Variants in FFAR4 observed in about 807,000 individuals in gnomAD.
The protein encoded by FFAR4 is G-protein coupled receptor 120.
FFAR4 carries 19 observed loss-of-function variants against 27.0 expected under a neutral mutation model. The ratio of observed to expected loss-of-function variants is 0.70; its 90% CI spans 0.49 to 1.03. The LOEUF (loss-of-function observed/expected upper bound fraction) is 1.03. Ranked by LOEUF, FFAR4 falls within the 50% of genes least tolerant of loss-of-function variation. The pLI is 0.00. For synonymous variants in FFAR4, 254 were observed against 215.6 expected, an observed-to-expected ratio of 1.18 and a Z score of -1.56; for missense variants, 476 against 479.0, an observed-to-expected ratio of 0.99 and a Z score of 0.06.
intron 2 of FFAR4, among the ~76,000 whole-genome samples, chr10:93,584,759 T>C (rs2058217721): frequency 6.6e-6 from 1 of 151,890 alleles, no homozygotes; most frequent in South Asian, 2.1e-4. Context: ...CAGGCTAGAG[T>C]GCAGTGGCGC....
chr10:93,585,343 T>C (rs1403623542), intron 2 of FFAR4, among the ~76,000 whole-genome samples: 3 of 152,216 alleles, frequency 2.0e-5, no homozygotes, highest in Non-Finnish European at 2.9e-5. Flanking sequence ...AGGAGGCTTA[T>C]TCCCCCAGTT....
At chr10:93,570,930 A>T (rs921792887) in intron 1 of FFAR4, among the ~76,000 whole-genome samples, 1 of 152,196 alleles carries the variant, frequency 6.6e-6, no homozygotes, top group Non-Finnish European at 1.5e-5. Context: ...GGGCATGATT[A>T]CAGTATCAAC....
chr10:93,586,554 G>A lies in FFAR4; in HGVS notation c.697-666G>A, dbSNP rs534167050. Among the ~76,000 whole-genome samples the A allele has an allele frequency of 4.6e-5, 7 of 152,284 alleles. No homozygotes were observed. In the South Asian group the frequency reaches 1.2e-3, roughly 27 times the overall value. ...CAAAGAAATAAAATACTCCTCAATA[G>A]GGGCTAGATAAATTGCAACCACCAT... is the stretch of plus-strand genomic sequence containing the variant. On this transcript the variant is annotated intron_variant, in intron 2 of 2. Coordinates refer to ENST00000371481, the MANE Select transcript of FFAR4 (RefSeq NM_001195755.2).
chr10:93,567,243 G>A lies in FFAR4; in HGVS notation c.523G>A (p.Val175Ile), dbSNP rs1454563281. ...YSAVAALPLC[V>I]FFRVVPQRLP... ...GGCGGTCGCCGCTCTGCCTCTCTGCGTCTTCTTCCGAGTCGTCCCGCAACG... is the reference window on the plus strand; with the variant it reads ...GGCGGTCGCCGCTCTGCCTCTCTGCATCTTCTTCCGAGTCGTCCCGCAACG... The change falls in exon 1 of 3, where the codon GTC becomes ATC. Residue 175 changes from valine to isoleucine, a missense_variant. By Grantham distance (29) the Val-to-Ile change is conservative (BLOSUM62 3). Coordinates refer to ENST00000371481, the MANE Select transcript of FFAR4 (RefSeq NM_001195755.2). 13 of 1,601,136 alleles carry A rather than the reference G, an allele frequency of 8.1e-6. No homozygotes were observed. The Middle Eastern group carries it at 8.3e-4, about 102-fold the overall frequency.
chr10:93,568,085 T>A (rs1355002772), intron 1 of FFAR4, among the ~76,000 whole-genome samples: 1 of 152,152 alleles, frequency 6.6e-6, no homozygotes, highest in Non-Finnish European at 1.5e-5. Flanking sequence ...GTTCTGCGGA[T>A]AGTGCAGGAC....
At chr10:93,583,415 CA>C (rs56306969) in intron 2 of FFAR4, among the ~76,000 whole-genome samples, 20,524 of 111,042 alleles carry the variant, frequency 0.18, 1,491 homozygotes, top group South Asian at 0.32. Flanking sequence ...GACTCCGCTT[CA>C]AAAAAAAAAA....
chr10:93,569,136 A>G (rs1297021498), intron 1 of FFAR4, among the ~76,000 whole-genome samples: 1 of 152,144 alleles, frequency 6.6e-6, no homozygotes, highest in Non-Finnish European at 1.5e-5. Flanking sequence ...GAGTCACAGT[A>G]CTTCTATATT....
rs751265425 is a variant in FFAR4, at chr10:93,566,927, A to G, written c.207A>G (p.Arg69=). 5 of 1,609,284 alleles carry G rather than the reference A, an allele frequency of 3.1e-6. No individual in the cohort carries two copies. The highest frequency in any genetic ancestry group is 1.3e-5 in the African/African-American group (1 of 74,688). ...VCALVLVARR[R]RRGATACLVL... ...CCCTGGTGCTGGTGGCGCGCCGACG[A>G]CGCCGCGGCGCGACTGCCTGCCTGG... Residue 69 remains arginine, a synonymous_variant, in exon 1 of 3, where the codon CGA becomes CGG. Coordinates refer to ENST00000371481, the MANE Select transcript of FFAR4 (RefSeq NM_001195755.2).
In FFAR4 at chr10:93,590,019, T is replaced by C. The variant is rs531662588; in HGVS notation, c.*2410T>C. 1 of 152,290 alleles carries C rather than the reference T, an allele frequency of 6.6e-6. No homozygotes were observed. Among genetic ancestry groups the C allele is most frequent in the African/African-American group, 2.4e-5 (1 of 41,554 alleles). 9.4% of individuals were successfully genotyped at this position (152,290 alleles called of 1,614,324 possible). A position where few individuals can be genotyped will look rare whatever the true frequency, so the allele number is the denominator to read the frequency against. Reference sequence around the variant, plus strand: ...GCTCGAAGACAAACGAACAGAGATGTTTTGCTCACTTTAGTTAATAGATTT... The same window carrying C: ...GCTCGAAGACAAACGAACAGAGATGCTTTGCTCACTTTAGTTAATAGATTT... On this transcript the variant is annotated 3_prime_UTR_variant, in exon 3 of 3. Transcript: ENST00000371481.
rs954539090 is a variant in FFAR4, at chr10:93,588,873, A to G, written c.*1264A>G. On this transcript the variant is annotated 3_prime_UTR_variant, in exon 3 of 3. Coordinates refer to ENST00000371481, the MANE Select transcript of FFAR4 (RefSeq NM_001195755.2). ...GCTACAAGTCAATAAATAGTATAGCATCACAGAGCGAATAAGCACTGTGAA... is the reference window on the plus strand; with the variant it reads ...GCTACAAGTCAATAAATAGTATAGCGTCACAGAGCGAATAAGCACTGTGAA... 6.6e-6 allele frequency: 1 copy of G among 152,188 alleles called. No homozygotes were observed. Among genetic ancestry groups the G allele is most frequent in the African/African-American group, 2.4e-5 (1 of 41,458 alleles). 9.4% of individuals were successfully genotyped at this position (152,188 alleles called of 1,614,324 possible). A position where few individuals can be genotyped will look rare whatever the true frequency, so the allele number is the denominator to read the frequency against.
chr10:93,579,584 A>G (rs929271453), intron 2 of FFAR4, among the ~76,000 whole-genome samples: 1 of 152,248 alleles, frequency 6.6e-6, no homozygotes, highest in Non-Finnish European at 1.5e-5. Flanking sequence ...AATTTATGAC[A>G]GTCATCTGTC....
chr10:93,567,414 A>G, intron 1 of FFAR4, 127 bp downstream of exon 1: 1 of 813,488 alleles, frequency 1.2e-6, no homozygotes, highest in Non-Finnish European at 1.9e-6. Flanking sequence ...TCGTTGTGCC[A>G]AATCTTGTGC....
intron 1 of FFAR4, 74 bp from the exon 2 acceptor site, chr10:93,576,017 C>A: frequency 1.3e-6 from 2 of 1,486,678 alleles, no homozygotes; most frequent in Middle Eastern, 1.9e-4. Flanking sequence ...TGTCAGGAAA[C>A]CCTCAATAAG....
chr10:93,566,990 C>T lies in FFAR4; in HGVS notation c.270C>T (p.Ser90=), dbSNP rs768883148. The change falls in exon 1 of 3, where the codon AGC becomes AGT. Residue 90 remains serine (S), a synonymous_variant. Transcript: ENST00000371481. ...NLFCADLLFI[S]AIPLVLAVRW... ...TCTGCGCGGACCTGCTCTTCATCAG[C>T]GCTATCCCTCTGGTGCTGGCCGTGC... The T allele has an allele frequency of 2.5e-6, 4 of 1,611,872 alleles. No individual in the cohort carries two copies. The highest frequency in any genetic ancestry group is 3.4e-6 in the Non-Finnish European group (4 of 1,179,886).
At chr10:93,573,434 G>A (rs2058143379) in intron 1 of FFAR4, among the ~76,000 whole-genome samples, 1 of 152,166 alleles carries the variant, frequency 6.6e-6, no homozygotes, top group Non-Finnish European at 1.5e-5. Context: ...GACTTGACAT[G>A]CTGCCTAACT....
chr10:93,568,143 G>A (rs2058110598), intron 1 of FFAR4, among the ~76,000 whole-genome samples: 2 of 152,130 alleles, frequency 1.3e-5, no homozygotes, highest in South Asian at 4.2e-4. Flanking sequence ...CCCGAGCTCG[G>A]GTCTTTTTCT....
At chr10:93,575,497 T>C (rs2058158520) in intron 1 of FFAR4, among the ~76,000 whole-genome samples, 1 of 152,246 alleles carries the variant, frequency 6.6e-6, no homozygotes, top group Admixed American at 6.5e-5. Flanking sequence ...TCTTGAACTG[T>C]CTGTGAGTGG....
chr10:93,587,911 C>T lies in FFAR4; in HGVS notation c.*302C>T. 1 of 205,016 alleles carries T rather than the reference C, an allele frequency of 4.9e-6. No homozygotes were observed. The highest frequency in any genetic ancestry group is 9.4e-6 in the Non-Finnish European group (1 of 105,944). 12.7% of individuals were successfully genotyped at this position (205,016 alleles called of 1,614,324 possible). A position where few individuals can be genotyped will look rare whatever the true frequency, so the allele number is the denominator to read the frequency against. Reference sequence around the variant, plus strand: ...GACCAACCTGACCAACATGGTGAGACCCCCGTCTCTACTAAAAATAAAAAA... The same window carrying T: ...GACCAACCTGACCAACATGGTGAGATCCCCGTCTCTACTAAAAATAAAAAA... On this transcript the variant is annotated 3_prime_UTR_variant, in exon 3 of 3. Transcript: ENST00000371481.
intron 1 of FFAR4, among the ~76,000 whole-genome samples, chr10:93,573,061 A>AC (rs914329551): frequency 1.5e-4 from 22 of 151,220 alleles, no homozygotes; most frequent in African/African-American, 4.1e-4. Flanking sequence ...AGCAGAAACA[A>AC]CCCCCCCTGG....
Sources: allele counts gnomAD v4.1 joint callset (sites outside exome capture counted in the v4.1 genomes callset), GRCh38; gene constraint gnomAD v4.1.1; transcripts MANE v1.5; gene names NCBI Gene and HGNC (gene_info 2026-07-23, HGNC 2026-07-21).